SLC25A38: variants seen among roughly 807,000 people sequenced by gnomAD.
SLC25A38 encodes the protein mitochondrial glycine transporter.
In SLC25A38, 27 loss-of-function variants were observed where a neutral mutation model predicts 33.4. That is an observed-to-expected ratio of 0.81 (90% CI 0.60 to 1.11). The LOEUF (loss-of-function observed/expected upper bound fraction) is 1.11, where lower values mean the gene tolerates loss of function less well. Ranked by LOEUF, SLC25A38 falls within the 50% of genes most tolerant of loss-of-function variation. SLC25A38 has a pLI of 0.00. For synonymous variants in SLC25A38, 123 were observed against 145.9 expected (o/e 0.84, Z 1.13); for missense variants, 344 against 388.8 (o/e 0.88, Z 0.97).
intron 5 of SLC25A38, among the ~76,000 whole-genome samples, chr3:39,393,589 T>C (rs560896672): frequency 3.0e-4 from 46 of 152,300 alleles, no homozygotes; most frequent in East Asian, 1.5e-3. Flanking sequence ...AATCTCCTCC[T>C]CCCTGGTTCA....
intron 1 of SLC25A38, among the ~76,000 whole-genome samples, chr3:39,387,061 G>A (rs1488190562): frequency 6.6e-6 from 1 of 152,160 alleles, no homozygotes; most frequent in Non-Finnish European, 1.5e-5. Context: ...AGGAAACCCA[G>A]GACAGTATTA....
Position 39,383,398 on chromosome 3 carries a change from G to A in SLC25A38, c.-327G>A, listed in dbSNP as rs1295401796. 3 of 347,364 alleles carry A rather than the reference G, an allele frequency of 8.6e-6. No individual in the cohort carries two copies. The highest frequency in any genetic ancestry group is 4.2e-5 in the African/African-American group (2 of 47,358). 21.5% of individuals were successfully genotyped at this position (347,364 alleles called of 1,614,324 possible). ...GTTCCTCCGGCGCTTCCTCCACCCCGGGATACACAGAACCTCATCTCCTAC... is the reference window on the plus strand; with the variant it reads ...GTTCCTCCGGCGCTTCCTCCACCCCAGGATACACAGAACCTCATCTCCTAC... On this transcript the variant is annotated 5_prime_UTR_variant, in exon 1 of 7. Transcript: ENST00000650617.
intron 1 of SLC25A38, chr3:39,384,803 C>CTT (rs67136154): frequency 7.5e-4 from 262 of 350,730 alleles, no homozygotes; most frequent in Middle Eastern, 2.8e-3. Flanking sequence ...TTTCTTTTTT[C>CTT]TTTTTTTTTT....
chr3:39,386,139 C>T (rs140383555), intron 1 of SLC25A38, among the ~76,000 whole-genome samples: 1 of 152,266 alleles, frequency 6.6e-6, no homozygotes, highest in African/African-American at 2.4e-5. Flanking sequence ...TACTCTGTAG[C>T]TCCTAATACA....
chr3:39,390,293 G>A (rs540393677), intron 2 of SLC25A38, 130 bp from the exon 3 acceptor site: 1 of 902,786 alleles, frequency 1.1e-6, no homozygotes, highest in African/African-American at 1.6e-5. Context: ...GTATCTCCAA[G>A]GTGCATTGTA....
At chr3:39,385,850 G>A (rs746448125) in intron 1 of SLC25A38, among the ~76,000 whole-genome samples, 1 of 152,216 alleles carries the variant, frequency 6.6e-6, no homozygotes, top group Non-Finnish European at 1.5e-5. Flanking sequence ...TGGACATGGG[G>A]GAGTTAGGGA....
In SLC25A38 at chr3:39,389,904, T is replaced by A. The variant is rs1193193974; in HGVS notation, c.191+288T>A. 6.6e-6 allele frequency among the ~76,000 whole-genome samples: 1 copy of A among 152,154 alleles called. No homozygotes were observed. Among genetic ancestry groups the A allele is most frequent in the East Asian group, 1.9e-4 (1 of 5,200 alleles). On this transcript the variant is annotated intron_variant, in intron 2 of 6. Transcript: ENST00000650617. This position sits in a 1 kb window ranked among gnomAD's most constrained non-coding sequence, Gnocchi z 4.5. ...GCCTGGCATGAGAGTACCAGGGGAT[T>A]TTCTGGAAATAACATCAGTATTATC... is the stretch of plus-strand genomic sequence containing the variant.
Position 39,396,668 on chromosome 3 carries a change from A to G in SLC25A38, c.*148A>G, listed in dbSNP as rs1258344874. The G allele has an allele frequency of 7.8e-7, 1 of 1,286,288 alleles. No individual in the cohort carries two copies. Among genetic ancestry groups the G allele is most frequent in the African/African-American group, 1.5e-5 (1 of 68,280 alleles). 79.7% of individuals were successfully genotyped at this position (1,286,288 alleles called of 1,614,324 possible). A position where few individuals can be genotyped will look rare whatever the true frequency, so the allele number is the denominator to read the frequency against. On this transcript the variant is annotated 3_prime_UTR_variant, in exon 7 of 7. Transcript: ENST00000650617. ...TGCCTTTGCCTTCAGTAATCCCCTT[A>G]AGGAGAAAATATATGGACCTGATTT...
intron 3 of SLC25A38, among the ~76,000 whole-genome samples, 170 bp downstream of exon 3, chr3:39,390,677 A>C (rs2041755155): frequency 6.6e-6 from 1 of 152,218 alleles, no homozygotes; most frequent in African/African-American, 2.4e-5. Flanking sequence ...GCTCAGGGAT[A>C]TGTTGCATTT....
chr3:39,391,598 C>T lies in SLC25A38; in HGVS notation c.434C>T (p.Thr145Ile). Residue 145 changes from threonine to isoleucine, a missense_variant, in exon 4 of 7, where the codon ACT becomes ATT. This residue lies in a region of SLC25A38 where 269 missense variants were observed against 271.8 expected (regional missense o/e 0.99). Transcript: ENST00000650617. ...SVAGVCMSPI[T>I]VIKTRYESGK... ...GCAGGGGTCTGTATGTCACCTATCA[C>T]TGTAATCAAGACGCGCTATGAGGTG... 1 of 1,614,208 alleles carries T rather than the reference C, an allele frequency of 6.2e-7. No homozygotes were observed. The highest frequency in any genetic ancestry group is 8.5e-7 in the Non-Finnish European group (1 of 1,180,050).
chr3:39,384,902 A>G (rs1006868646), intron 1 of SLC25A38, among the ~76,000 whole-genome samples: 68 of 151,506 alleles, frequency 4.5e-4, no homozygotes, highest in African/African-American at 1.7e-3. Context: ...CCCGGGTTCA[A>G]GTATTTTTCC....
intron 5 of SLC25A38, among the ~76,000 whole-genome samples, chr3:39,394,153 T>C (rs1033670149): frequency 6.6e-6 from 1 of 152,234 alleles, no homozygotes; most frequent in Non-Finnish European, 1.5e-5. Context: ...CCTGTTTCTT[T>C]TTCCCACATG....
At chr3:39,391,295 C>T in intron 3 of SLC25A38, 146 bp from the exon 4 acceptor site, 1 of 1,103,154 alleles carries the variant, frequency 9.1e-7, no homozygotes, top group Non-Finnish European at 1.4e-6. Flanking sequence ...ATCTCATGTC[C>T]CCCACTTCCC....
intron 5 of SLC25A38, among the ~76,000 whole-genome samples, chr3:39,392,468 G>C (rs1302032014): frequency 6.6e-6 from 1 of 151,980 alleles, no homozygotes; most frequent in Non-Finnish European, 1.5e-5. Context: ...GGAGTTTAAA[G>C]AAAAATAATA....
chr3:39,389,050 G>T lies in SLC25A38; in HGVS notation c.70-445G>T, dbSNP rs2041733245. Among the ~76,000 whole-genome samples the T allele has an allele frequency of 6.6e-6, 1 of 152,208 alleles. No individual in the cohort carries two copies. Among genetic ancestry groups the T allele is most frequent in the African/African-American group, 2.4e-5 (1 of 41,450 alleles). Reference sequence around the variant, plus strand: ...ATTTTACACAGTGGTTGAGCTTAAGGTTTCATTTGCTTTGGCTTGGTCCTA... The same window carrying T: ...ATTTTACACAGTGGTTGAGCTTAAGTTTTCATTTGCTTTGGCTTGGTCCTA... On this transcript the variant is annotated intron_variant, in intron 1 of 6. Coordinates refer to ENST00000650617, the MANE Select transcript of SLC25A38 (RefSeq NM_017875.4). This position sits in a 1 kb window ranked among gnomAD's most constrained non-coding sequence, Gnocchi z 4.5.
chr3:39,392,060 A>T, intron 5 of SLC25A38, 39 bp downstream of exon 5: 1 of 1,612,404 alleles, frequency 6.2e-7, no homozygotes. Context: ...GCTATCCTTG[A>T]GACATCAGAT....
In SLC25A38 at chr3:39,383,493, G is replaced by C; in HGVS notation, c.-232G>C. On this transcript the variant is annotated 5_prime_UTR_variant, in exon 1 of 7. Coordinates refer to ENST00000650617, the MANE Select transcript of SLC25A38 (RefSeq NM_017875.4). ...CCGCGGAGTCTGCGGCGCGGGTGAA[G>C]AGCGGCGCGTAATTCCCGCAGCAAG... is the stretch of plus-strand genomic sequence containing the variant. The C allele has an allele frequency of 1.7e-6, 1 of 577,448 alleles. No homozygotes were observed. The highest frequency in any genetic ancestry group is 3.1e-6 in the Non-Finnish European group (1 of 321,954). 35.8% of individuals were successfully genotyped at this position (577,448 alleles called of 1,614,324 possible).
At chr3:39,396,104 G>T (rs2041826348) in intron 6 of SLC25A38, among the ~76,000 whole-genome samples, 1 of 151,986 alleles carries the variant, frequency 6.6e-6, no homozygotes, top group South Asian at 2.1e-4. Context: ...CACCTACTCG[G>T]AAGGCTGAGG....
chr3:39,394,701 T>C, intron 6 of SLC25A38, 125 bp downstream of exon 6: 1 of 1,132,234 alleles, frequency 8.8e-7, no homozygotes, highest in Non-Finnish European at 1.3e-6. Context: ...ATGCCCAGGT[T>C]AAAATCTAGG....
Sources: allele counts gnomAD v4.1 joint callset (sites outside exome capture counted in the v4.1 genomes callset), GRCh38; gene constraint gnomAD v4.1.1; regional missense constraint gnomAD v4.1.1; non-coding constraint Gnocchi (gnomAD v3.1); transcripts MANE v1.5; gene names NCBI Gene and HGNC (gene_info 2026-07-23, HGNC 2026-07-21).